The following RNF144A variants were observed in gnomAD, a reference collection of about 807,000 sequenced individuals.
RNF144A encodes the protein ring finger protein 144A.
A neutral mutation model predicts 38.7 loss-of-function variants in RNF144A; 11 were observed. The ratio of observed to expected loss-of-function variants is 0.28; its 90% confidence interval spans 0.18 to 0.47. The LOEUF (loss-of-function observed/expected upper bound fraction) is 0.47. Ranked by LOEUF, RNF144A falls within the 20% of genes least tolerant of loss-of-function variation. RNF144A has a pLI of 0.99. For synonymous variants in RNF144A, 149 were observed against 143.9 expected (o/e 1.04, Z -0.25); for missense variants, 316 against 377.2 (o/e 0.84, Z 1.34).
At chr2:6,976,026 G>T (rs549628017) in intron 2 of RNF144A, among the ~76,000 whole-genome samples, 1 of 152,250 alleles carries the variant, frequency 6.6e-6, no homozygotes, top group African/African-American at 2.4e-5. Flanking sequence ...GACCTTCCAT[G>T]GTTTAGTCCA....
At chr2:6,955,003 T>A (rs767770858) in intron 2 of RNF144A, among the ~76,000 whole-genome samples, 1 of 152,232 alleles carries the variant, frequency 6.6e-6, no homozygotes, top group African/African-American at 2.4e-5. Flanking sequence ...TTTGACCTAT[T>A]TTTTTCTGTG....
intron 1 of RNF144A, among the ~76,000 whole-genome samples, chr2:6,927,893 G>A (rs11694597): frequency 0.29 from 44,022 of 152,072 alleles, 6,514 homozygotes; most frequent in Middle Eastern, 0.35. Context: ...GATCTGGAGG[G>A]CCTTGGAGAG....
intron 3 of RNF144A, among the ~76,000 whole-genome samples, chr2:6,997,322 G>A (rs77419582): frequency 0.017 from 2,532 of 152,262 alleles, 73 homozygotes; most frequent in African/African-American, 0.058. Context: ...AACAATTCAC[G>A]AAACTTATCA....
intron 2 of RNF144A, among the ~76,000 whole-genome samples, chr2:6,950,254 G>A (rs906327626): frequency 8.5e-5 from 13 of 152,072 alleles, no homozygotes; most frequent in African/African-American, 3.1e-4. Context: ...TATTTTAAGC[G>A]TTCTTTATTG....
intron 2 of RNF144A, among the ~76,000 whole-genome samples, chr2:6,967,158 G>A (rs1206893501): frequency 1.3e-5 from 2 of 152,028 alleles, no homozygotes; most frequent in South Asian, 2.1e-4. Flanking sequence ...ATGGTCACCC[G>A]CCGAGTCAAG....
downstream of RNF144A, among the ~76,000 whole-genome samples, chr2:7,071,882 A>T (rs1674496195): frequency 6.6e-6 from 1 of 152,226 alleles, no homozygotes; most frequent in African/African-American, 2.4e-5. Context: ...CTTCACTTGA[A>T]GGCCTTAAAA....
At chr2:7,051,804 G>A (rs187708537) in intron 6 of RNF144A, among the ~76,000 whole-genome samples, 14 of 152,294 alleles carry the variant, frequency 9.2e-5, no homozygotes, top group East Asian at 7.7e-4. Context: ...CAGGAGAATC[G>A]CTTGAATCCA....
intron 8 of RNF144A, among the ~76,000 whole-genome samples, chr2:7,030,856 T>A (rs976160723): frequency 5.9e-5 from 9 of 152,026 alleles, no homozygotes; most frequent in African/African-American, 1.9e-4. Context: ...CTTGTTTTCC[T>A]GCAACTAGAT....
chr2:6,966,849 G>C (rs1045628501), intron 2 of RNF144A, among the ~76,000 whole-genome samples: 1 of 152,184 alleles, frequency 6.6e-6, no homozygotes, highest in African/African-American at 2.4e-5. Flanking sequence ...TACTCCTGGT[G>C]GGGATTTTCT....
intron 3 of RNF144A, 31 bp from the exon 4 acceptor site, chr2:7,014,423 G>A (rs775434524): frequency 6.9e-7 from 1 of 1,457,230 alleles, no homozygotes; most frequent in Non-Finnish European, 9.6e-7. Flanking sequence ...AGGTAAAGAT[G>A]TTTATAGACA....
At position 6,924,286 on chromosome 2, in the gene RNF144A, C is replaced by T. The variant is rs538530045; in HGVS notation, c.-212+6664C>T. Among the ~76,000 whole-genome samples the T allele has an allele frequency of 7.5e-4, 114 of 152,356 alleles. 2 individuals carry two copies. The South Asian group carries it at 0.022, about 29-fold the overall frequency. On this transcript the variant is annotated intron_variant, in intron 1 of 8. Coordinates refer to ENST00000320892, the MANE Select transcript of RNF144A (RefSeq NM_014746.6). ...CCAGAGTAACAGCTGGCGAGACTTC[C>T]GTGGCCGTGTTGCTGGGGGGCCCGA...
chr2:7,074,978 T>A, the RNF144A span, among the ~76,000 whole-genome samples: 1 of 152,204 alleles, frequency 6.6e-6, no homozygotes, highest in South Asian at 2.1e-4. Flanking sequence ...TAAGAATTAT[T>A]AGTAAAAGTT....
rs1664230582 is a variant in RNF144A at position 6,917,840 on chromosome 2, G to A, written c.-212+218G>A. The stretch of plus-strand genomic sequence containing the variant: ...GTTCAGAGGACGCCCGCCCTGCCCT[G>A]CCCGTGTCCCTGACCTCGTCCCTGC... On this transcript the variant is annotated intron_variant, in intron 1 of 8. Coordinates refer to ENST00000320892, the MANE Select transcript of RNF144A (RefSeq NM_014746.6). This position sits in a 1 kb window ranked among gnomAD's most constrained non-coding sequence, Gnocchi z 4.8. Among the ~76,000 whole-genome samples the A allele has an allele frequency of 6.6e-6, 1 of 150,940 alleles. No individual in the cohort carries two copies. Among genetic ancestry groups the A allele is most frequent in the African/African-American group, 2.4e-5 (1 of 41,288 alleles).
intron 2 of RNF144A, among the ~76,000 whole-genome samples, chr2:6,994,136 A>G (rs1669568724): frequency 6.6e-6 from 1 of 152,164 alleles, no homozygotes; most frequent in African/African-American, 2.4e-5. Flanking sequence ...TTACCCTGCA[A>G]CTTCCCCAAC....
chr2:7,053,874 T>C (rs192474470), intron 6 of RNF144A, among the ~76,000 whole-genome samples: 33 of 152,330 alleles, frequency 2.2e-4, no homozygotes, highest in African/African-American at 7.0e-4. Flanking sequence ...TTGAGAAAGA[T>C]ATAACTGCCC....
chr2:6,922,610 G>A (rs918687567), intron 1 of RNF144A, among the ~76,000 whole-genome samples: 2 of 151,652 alleles, frequency 1.3e-5, no homozygotes, highest in Non-Finnish European at 1.5e-5. Flanking sequence ...GGACCCGCCC[G>A]GTTTTTCTTG....
At chr2:6,984,716 G>A (rs1668845216) in intron 2 of RNF144A, among the ~76,000 whole-genome samples, 1 of 152,336 alleles carries the variant, frequency 6.6e-6, no homozygotes, top group South Asian at 2.1e-4. Flanking sequence ...TATACATTGG[G>A]AAAATAGGAG....
chr2:6,960,084 C>T (rs1416074091), intron 2 of RNF144A, among the ~76,000 whole-genome samples: 1 of 152,230 alleles, frequency 6.6e-6, no homozygotes, highest in African/African-American at 2.4e-5. Flanking sequence ...ATGTCTTGCC[C>T]CTAGTATCCA....
chr2:7,006,072 T>G (rs1021026198), intron 3 of RNF144A, among the ~76,000 whole-genome samples: 1 of 152,112 alleles, frequency 6.6e-6, no homozygotes, highest in Admixed American at 6.5e-5. Flanking sequence ...CCTGAAATCA[T>G]GACAGCTATG....
Sources: allele counts gnomAD v4.1 joint callset (sites outside exome capture counted in the v4.1 genomes callset), GRCh38; gene constraint gnomAD v4.1.1; non-coding constraint Gnocchi (gnomAD v3.1); transcripts MANE v1.5; gene names NCBI Gene and HGNC (gene_info 2026-07-23, HGNC 2026-07-21).